The following C12orf42 variants were observed in gnomAD, a reference collection of about 807,000 sequenced individuals.
The protein encoded by C12orf42 is uncharacterized protein C12orf42.
In C12orf42, 25 loss-of-function variants were observed where a neutral mutation model predicts 21.6. The observed-to-expected ratio is 1.16, with a 90% confidence interval of 0.84 to 1.62. The LOEUF (loss-of-function observed/expected upper bound fraction) is 1.62. Among genes scored for constraint, C12orf42 ranks in the 40% most tolerant of loss-of-function variants. The pLI, the probability that C12orf42 is intolerant of heterozygous loss-of-function variation, is 0.00. For synonymous variants in C12orf42, 174 were observed against 175.0 expected (o/e 0.99, Z 0.05); for missense variants, 483 against 459.3 (o/e 1.05, Z -0.47).
At chr12:103,516,423 T>C in the C12orf42 span, among the ~76,000 whole-genome samples, 1 of 152,218 alleles carries the variant, frequency 6.6e-6, no homozygotes, top group Non-Finnish European at 1.5e-5. Flanking sequence ...TATTAGTCTG[T>C]TCTCACACTG....
At chr12:103,527,716 G>A in the C12orf42 span, among the ~76,000 whole-genome samples, 6 of 152,170 alleles carry the variant, frequency 3.9e-5, no homozygotes, top group South Asian at 6.2e-4. Flanking sequence ...ATCTCTCAGG[G>A]GGCCAGAACC....
chr12:103,420,122 C>G (rs537087845), intron 2 of C12orf42, among the ~76,000 whole-genome samples: 1 of 152,222 alleles, frequency 6.6e-6, no homozygotes, highest in African/African-American at 2.4e-5. Flanking sequence ...CATAGGCATA[C>G]TTTTACATAG....
chr12:103,246,879 C>T (rs2034034572), intron 10 of C12orf42, among the ~76,000 whole-genome samples: 1 of 152,018 alleles, frequency 6.6e-6, no homozygotes, highest in Admixed American at 6.6e-5. Flanking sequence ...CATAAAAATC[C>T]TTTGGGTGTG....
intron 5 of C12orf42, among the ~76,000 whole-genome samples, chr12:103,276,458 G>C (rs554178193): frequency 6.6e-6 from 1 of 152,180 alleles, no homozygotes; most frequent in Admixed American, 6.5e-5. Context: ...TTGCAAGAGT[G>C]AACTTCCCAT....
At chr12:103,395,867 A>T (rs1200866806) in intron 3 of C12orf42, among the ~76,000 whole-genome samples, 1 of 149,924 alleles carries the variant, frequency 6.7e-6, no homozygotes, top group Non-Finnish European at 1.5e-5. Context: ...AGTCATAAAA[A>T]TATATATACA....
rs73387749 is a variant in C12orf42 at position 103,393,281 on chromosome 12, G to A, written c.147+8326C>T. Among the ~76,000 whole-genome samples the A allele has an allele frequency of 5.3e-3, 807 of 152,254 alleles. 3 individuals carry two copies. The highest frequency in any genetic ancestry group is 0.019 in the African/African-American group (773 of 41,540). On this transcript the variant is annotated intron_variant, in intron 3 of 5. Transcript: ENST00000548883. The stretch of plus-strand genomic sequence containing the variant: ...TTACAGTCATGATGGAAGGGGAAGC[G>A]GGAACAAGCATCTCACATGATAGAA...
chr12:103,546,493 A>G, the C12orf42 span, among the ~76,000 whole-genome samples: 1 of 152,208 alleles, frequency 6.6e-6, no homozygotes, highest in Non-Finnish European at 1.5e-5. Context: ...AACAAAATAA[A>G]CACTTAGCAG....
At chr12:103,444,390 T>C (rs2137359583) in intron 2 of C12orf42, among the ~76,000 whole-genome samples, 1 of 152,264 alleles carries the variant, frequency 6.6e-6, no homozygotes, top group East Asian at 1.9e-4. Flanking sequence ...AGAAGCATTT[T>C]AAACATCATT....
At chr12:103,181,550 AAC>A in the C12orf42 span, among the ~76,000 whole-genome samples, 1 of 152,230 alleles carries the variant, frequency 6.6e-6, no homozygotes, top group East Asian at 1.9e-4. Context: ...TTCAGTTTGA[AAC>A]ACCAGTAGCC....
At chr12:103,195,512 T>C in the C12orf42 span, among the ~76,000 whole-genome samples, 1 of 152,138 alleles carries the variant, frequency 6.6e-6, no homozygotes, top group African/African-American at 2.4e-5. Flanking sequence ...GCTATCTCAT[T>C]GTGATTTTGA....
chr12:103,277,234 AG>A, intron 4 of C12orf42: 1 of 441,112 alleles, frequency 2.3e-6, no homozygotes, highest in South Asian at 1.7e-5. Context: ...CCATATGGAA[AG>A]GGGGATAGAA....
chr12:103,542,504 C>T, the C12orf42 span, among the ~76,000 whole-genome samples: 1 of 152,222 alleles, frequency 6.6e-6, no homozygotes, highest in Non-Finnish European at 1.5e-5. Context: ...GGCAATGCTG[C>T]AGGCTACAGA....
chr12:103,468,813 C>G (rs896310199), intron 2 of C12orf42, among the ~76,000 whole-genome samples: 1 of 152,132 alleles, frequency 6.6e-6, no homozygotes, highest in Non-Finnish European at 1.5e-5. Flanking sequence ...ACAAGTGAAT[C>G]TTACTGAGTT....
At chr12:103,554,061 T>C in the C12orf42 span, among the ~76,000 whole-genome samples, 1 of 152,138 alleles carries the variant, frequency 6.6e-6, no homozygotes, top group African/African-American at 2.4e-5. Flanking sequence ...TCAGCAAACC[T>C]TCCTATAAAG....
intron 4 of C12orf42, among the ~76,000 whole-genome samples, chr12:103,313,015 A>C (rs1401496366): frequency 1.3e-5 from 2 of 152,246 alleles, no homozygotes; most frequent in Admixed American, 1.3e-4. Context: ...CTTAAAAAAT[A>C]ACTTCTTTGT....
At chr12:103,229,279 C>T in the C12orf42 span, among the ~76,000 whole-genome samples, 1 of 152,152 alleles carries the variant, frequency 6.6e-6, no homozygotes, top group Non-Finnish European at 1.5e-5. Context: ...TTTCTGCATG[C>T]CTCTTAATAA....
chr12:103,428,276 A>T (rs568433274), intron 2 of C12orf42, among the ~76,000 whole-genome samples: 1 of 152,276 alleles, frequency 6.6e-6, no homozygotes, highest in African/African-American at 2.4e-5. Context: ...GTAAAAGATG[A>T]TAAAGGGGAT....
intron 4 of C12orf42, among the ~76,000 whole-genome samples, chr12:103,279,283 G>A (rs1034422525): frequency 6.6e-6 from 1 of 152,102 alleles, no homozygotes. Context: ...GGTGATGGAT[G>A]TTTATTACAC....
chr12:103,063,856 G>A, the C12orf42 span, among the ~76,000 whole-genome samples: 3 of 152,262 alleles, frequency 2.0e-5, no homozygotes, highest in Admixed American at 1.3e-4. Flanking sequence ...TTAAGAGTGT[G>A]GGATAATGGT....
Sources: allele counts gnomAD v4.1 joint callset (sites outside exome capture counted in the v4.1 genomes callset), GRCh38; gene constraint gnomAD v4.1.1; transcripts MANE v1.5; gene names NCBI Gene and HGNC (gene_info 2026-07-23, HGNC 2026-07-21).